The following SIPA1L2 variants were observed in gnomAD, a reference collection of about 807,000 sequenced individuals.
The protein encoded by SIPA1L2 is signal-induced proliferation-associated 1-like protein 2.
In SIPA1L2, 56 loss-of-function variants were observed where a neutral mutation model predicts 163.9. That is an observed-to-expected ratio of 0.34 (90% confidence interval 0.28 to 0.43). The LOEUF is 0.43. SIPA1L2 is among the 20% of genes least tolerant of loss of function. SIPA1L2 has a pLI of 1.00. For missense variants in SIPA1L2, 1,974 were observed against 2,193.5 expected, an observed-to-expected ratio of 0.90 and a Z score of 2.00; for synonymous variants, 877 against 865.7, an observed-to-expected ratio of 1.01 and a Z score of -0.23.
At chr1:232,525,038 T>C (rs1352265082) in intron 2 of SIPA1L2, among the ~76,000 whole-genome samples, 2 of 152,126 alleles carry the variant, frequency 1.3e-5, no homozygotes, top group African/African-American at 4.8e-5. Flanking sequence ...TTCTTCCTTG[T>C]ATAAAAAGAG....
intron 3 of SIPA1L2, among the ~76,000 whole-genome samples, chr1:232,495,965 T>A (rs1365615080): frequency 6.6e-6 from 1 of 152,198 alleles, no homozygotes; most frequent in Non-Finnish European, 1.5e-5. Flanking sequence ...GTTAAAAAAA[T>A]AAAGTTATAA....
intron 1 of SIPA1L2, among the ~76,000 whole-genome samples, chr1:232,596,567 CTTGTT>C (rs1413228274): frequency 6.6e-6 from 1 of 152,110 alleles, no homozygotes; most frequent in Non-Finnish European, 1.5e-5. Flanking sequence ...TTAAATATTT[CTTGTT>C]TTATCATTTT....
At chr1:232,626,903 A>AC (rs1663106204) in intron 1 of SIPA1L2, among the ~76,000 whole-genome samples, 1 of 152,214 alleles carries the variant, frequency 6.6e-6, no homozygotes, top group Admixed American at 6.5e-5. Context: ...TAGAGGCAGG[A>AC]AGCTCAAGGT....
At chr1:232,421,037 T>A (rs10910445) in intron 18 of SIPA1L2, among the ~76,000 whole-genome samples, 31,885 of 152,136 alleles carry the variant, frequency 0.21, 3,447 homozygotes, top group East Asian at 0.29. Context: ...TAGAAAACAA[T>A]AGTAACTGAA....
rs960249309 is a variant in SIPA1L2 at position 232,605,229 on chromosome 1, G to A, written c.-319+24640C>T. On this transcript the variant is annotated intron_variant, in intron 1 of 22. Coordinates refer to ENST00000674635, the MANE Select transcript of SIPA1L2 (RefSeq NM_020808.5). ...GGGTTTCTCCATGTTGCCCAGTCTG[G>A]TGTCAAACTCCTGGGCTCAAATGAT... Among the ~76,000 whole-genome samples, 3 of 152,236 alleles carry A rather than the reference G, an allele frequency of 2.0e-5. No homozygotes were observed. The South Asian group carries it at 6.2e-4, about 32-fold the overall frequency.
At chr1:232,475,566 C>T (rs1006690361) in intron 7 of SIPA1L2, among the ~76,000 whole-genome samples, 2 of 152,166 alleles carry the variant, frequency 1.3e-5, no homozygotes, top group Non-Finnish European at 2.9e-5. Flanking sequence ...TACACCTTAC[C>T]ACATAAATAC....
At chr1:232,527,722 CTTCTTTTTTTTTTTT>C (rs1462675737) in intron 2 of SIPA1L2, among the ~76,000 whole-genome samples, 3 of 86,338 alleles carry the variant, frequency 3.5e-5, no homozygotes, top group African/African-American at 1.3e-4. Context: ...TCTTCTTCTT[CTTCTTTTTTTTTTTT>C]TTTTTTTTTT....
intron 2 of SIPA1L2, among the ~76,000 whole-genome samples, chr1:232,555,901 T>C (rs1328141594): frequency 6.6e-6 from 1 of 152,216 alleles, no homozygotes; most frequent in South Asian, 2.1e-4. Context: ...AACTGAAAAG[T>C]TGCTTCCCTA....
chr1:232,437,553 C>G (rs1437558781), intron 15 of SIPA1L2, among the ~76,000 whole-genome samples: 1 of 152,214 alleles, frequency 6.6e-6, no homozygotes, highest in Non-Finnish European at 1.5e-5. Context: ...GGCATCCACT[C>G]CCCCTTCTCC....
In SIPA1L2 at chr1:232,529,772, T is replaced by C. The variant is rs139817345; in HGVS notation, c.-269-14164A>G. On this transcript the variant is annotated intron_variant, in intron 2 of 22. Coordinates refer to ENST00000674635, the MANE Select transcript of SIPA1L2 (RefSeq NM_020808.5). Reference sequence around the variant, plus strand: ...CTCTCTTTCCTCAGCTAGGAGTAAATAGTTTTAAGTTTTGCTTTTATTCTT... The same window carrying C: ...CTCTCTTTCCTCAGCTAGGAGTAAACAGTTTTAAGTTTTGCTTTTATTCTT... Among the ~76,000 whole-genome samples, 884 of 152,294 alleles carry C rather than the reference T, an allele frequency of 5.8e-3. 8 individuals are homozygous for C. Among genetic ancestry groups the C allele is most frequent in the South Asian group, 0.013 (61 of 4,824 alleles).
chr1:232,515,453 A>T lies in SIPA1L2; in HGVS notation c.-114T>A, dbSNP rs1299391728. 3.3e-6 allele frequency: 4 copies of T among 1,195,082 alleles called. No homozygotes were observed. Among genetic ancestry groups the T allele is most frequent in the Non-Finnish European group, 4.5e-6 (4 of 887,250 alleles). 74.0% of individuals were successfully genotyped at this position (1,195,082 alleles called of 1,614,324 possible). On this transcript the variant is annotated 5_prime_UTR_variant, in exon 3 of 23. Transcript: ENST00000674635. The stretch of plus-strand genomic sequence containing the variant: ...ATATAAAGGCTTTGTCTGTAGTTGT[A>T]TTTTTTCTTTTCTTAGCCCAAAGCA...
intron 2 of SIPA1L2, among the ~76,000 whole-genome samples, chr1:232,553,956 T>C (rs73097625): frequency 0.021 from 3,141 of 152,194 alleles, 113 homozygotes; most frequent in African/African-American, 0.071. Flanking sequence ...ATTAAGAAGT[T>C]ACCAAGCAGC....
At chr1:232,601,294 C>T (rs938212799) in intron 1 of SIPA1L2, among the ~76,000 whole-genome samples, 1 of 152,190 alleles carries the variant, frequency 6.6e-6, no homozygotes, top group Non-Finnish European at 1.5e-5. Context: ...CCAGGCTAGT[C>T]TCAATCTCCT....
chr1:232,513,755 G>A, intron 3 of SIPA1L2, 102 bp downstream of exon 3: 2 of 1,250,410 alleles, frequency 1.6e-6, no homozygotes, highest in South Asian at 3.0e-5. Context: ...CTATGGCCTT[G>A]GACACTCTGA....
intron 7 of SIPA1L2, among the ~76,000 whole-genome samples, chr1:232,472,217 C>T (rs1158656403): frequency 6.6e-6 from 1 of 152,200 alleles, no homozygotes; most frequent in Non-Finnish European, 1.5e-5. Flanking sequence ...GCCCCCTTCC[C>T]TCCAGGTTTC....
intron 19 of SIPA1L2, among the ~76,000 whole-genome samples, chr1:232,405,057 G>T (rs1280919735): frequency 2.0e-5 from 3 of 152,176 alleles, no homozygotes; most frequent in African/African-American, 7.2e-5. Flanking sequence ...CTCCTAATGA[G>T]GCTACCTGCT....
chr1:232,518,653 T>C (rs1573016884), intron 2 of SIPA1L2, among the ~76,000 whole-genome samples: 2 of 152,062 alleles, frequency 1.3e-5, no homozygotes, highest in African/African-American at 4.8e-5. Context: ...TTCATGATCA[T>C]CTCTCTCCCC....
intron 19 of SIPA1L2, among the ~76,000 whole-genome samples, chr1:232,404,990 A>G (rs1287948182): frequency 6.6e-6 from 1 of 152,212 alleles, no homozygotes; most frequent in Middle Eastern, 3.2e-3. Context: ...GATCCGTGTC[A>G]GGGGTGCTCC....
intron 7 of SIPA1L2, among the ~76,000 whole-genome samples, chr1:232,475,936 G>T (rs1665022979): frequency 6.6e-6 from 1 of 152,146 alleles, no homozygotes; most frequent in Non-Finnish European, 1.5e-5. Flanking sequence ...TTGTGATATA[G>T]TATAAGTATA....
Sources: gnomAD v4.1 joint callset for allele counts (sites outside exome capture counted in the v4.1 genomes callset) on GRCh38, gnomAD v4.1.1 for gene constraint, MANE v1.5 for transcripts, NCBI Gene and HGNC (gene_info 2026-07-23, HGNC 2026-07-21) for gene names.